Variants in CHAF1A observed in about 807,000 individuals in gnomAD.
CHAF1A encodes the protein chromatin assembly factor 1 subunit A.
In CHAF1A, 5 loss-of-function variants were observed where a neutral mutation model predicts 93.2. The ratio of observed to expected loss-of-function variants is 0.05; its 90% CI spans 0.03 to 0.11. The LOEUF (loss-of-function observed/expected upper bound fraction) is 0.11. CHAF1A is among the 10% of genes least tolerant of loss of function. The pLI is 1.00. For synonymous variants in CHAF1A, 504 were observed against 510.3 expected (o/e 0.99, Z 0.17); for missense variants, 1,102 against 1,259.9 (o/e 0.87, Z 1.90).
chr19:4,434,822 G>A (rs551113928), intron 13 of CHAF1A, among the ~76,000 whole-genome samples: 96 of 152,190 alleles, frequency 6.3e-4, no homozygotes, highest in Middle Eastern at 3.4e-3. Context: ...AACACCGCCC[G>A]GTGTAAGGCA....
intron 11 of CHAF1A, 98 bp from the exon 12 acceptor site, chr19:4,431,854 T>C: frequency 6.7e-7 from 1 of 1,489,172 alleles, no homozygotes; most frequent in Admixed American, 2.2e-5. Context: ...TGTCCTTTCC[T>C]CTTGCTCCCC....
chr19:4,432,934 A>G, intron 12 of CHAF1A, 136 bp from the exon 13 acceptor site: 1 of 681,656 alleles, frequency 1.5e-6, no homozygotes, highest in South Asian at 1.9e-5. Flanking sequence ...ACCCGCCCTC[A>G]TGAGGCCACC....
chr19:4,411,644 C>CTTTTTTTTTTTTTTGTTTTTTT (rs1973802729), intron 3 of CHAF1A, among the ~76,000 whole-genome samples: 1 of 48,204 alleles, frequency 2.1e-5, no homozygotes, highest in Non-Finnish European at 4.1e-5. Flanking sequence ...TGGTGCAAAT[C>CTTTTTTTTTTTTTTGTTTTTTT]TTTTTTTTTT....
intron 8 of CHAF1A, 37 bp downstream of exon 8, chr19:4,428,927 G>C: frequency 2.6e-6 from 4 of 1,556,764 alleles, no homozygotes; most frequent in Non-Finnish European, 3.5e-6. Context: ...ACCCACTAGT[G>C]ATGCTGGAGG....
At chr19:4,443,841 G>C (rs541059821), downstream of CHAF1A, among the ~76,000 whole-genome samples, 1 of 152,276 alleles carries the variant, frequency 6.6e-6, no homozygotes, top group East Asian at 1.9e-4. Flanking sequence ...GGCGACAGCC[G>C]CTGTGGTACT....
Position 4,443,228 on chromosome 19 carries a change from A to C in CHAF1A, c.*203A>C. ...AGAGCCGCATATGAATCTGCCCTTT[A>C]ATAAAGCATTATTGAGATTGCTGGC... is the stretch of plus-strand genomic sequence containing the variant. On this transcript the variant is annotated 3_prime_UTR_variant, in exon 15 of 15. Coordinates refer to ENST00000301280, the MANE Select transcript of CHAF1A (RefSeq NM_005483.3). The C allele has an allele frequency of 1.7e-6, 1 of 581,666 alleles. No homozygotes were observed. The highest frequency in any genetic ancestry group is 1.9e-5 in the South Asian group (1 of 52,206). 36.0% of individuals were successfully genotyped at this position (581,666 alleles called of 1,614,324 possible). A position where few individuals can be genotyped will look rare whatever the true frequency, so the allele number is the denominator to read the frequency against.
chr19:4,422,847 G>A lies in CHAF1A; in HGVS notation c.1247+52G>A, dbSNP rs534723129. 19 of 1,542,540 alleles carry A rather than the reference G, an allele frequency of 1.2e-5. No individual in the cohort carries two copies. The highest frequency in any genetic ancestry group is 2.3e-4 in the Middle Eastern group (1 of 4,352). On this transcript the variant is annotated intron_variant, in intron 5 of 14. Transcript: ENST00000301280. The surrounding 1 kb of genome is among the most constrained non-coding windows in gnomAD (Gnocchi z 4.6). ...GCCCGCCACCCTGCTGCTGGATTCC[G>A]CTCCTGGCCACTCTGATGGGGCCTT...
chr19:4,430,012 G>C, intron 10 of CHAF1A: 1 of 520,300 alleles, frequency 1.9e-6, no homozygotes, highest in African/African-American at 1.9e-5. Context: ...CTGGGGATGG[G>C]ATCCCGTCCG....
At chr19:4,438,230 T>C (rs1974322383) in intron 13 of CHAF1A, among the ~76,000 whole-genome samples, 1 of 152,226 alleles carries the variant, frequency 6.6e-6, no homozygotes, top group South Asian at 2.1e-4. Context: ...GTGTCTGTTG[T>C]TCCCCTCTTT....
intron 3 of CHAF1A, among the ~76,000 whole-genome samples, chr19:4,410,309 G>A (rs932227788): frequency 2.6e-5 from 4 of 151,968 alleles, no homozygotes; most frequent in South Asian, 2.1e-4. Context: ...TTGAGAGGCC[G>A]AGGTGGGAGG....
chr19:4,443,417 C>G (rs1259324253), downstream of CHAF1A: 1 of 206,222 alleles, frequency 4.8e-6, no homozygotes, highest in African/African-American at 2.3e-5. Context: ...TCTGTCTTTT[C>G]CGAAAACATT....
At chr19:4,408,879 G>A (rs761728549) in intron 2 of CHAF1A, 24 bp from the exon 3 acceptor site, 2 of 1,578,064 alleles carry the variant, frequency 1.3e-6, no homozygotes, top group Admixed American at 1.9e-5. Flanking sequence ...GTTCACTAGA[G>A]ATGGCTTTCT....
Position 4,411,644 on chromosome 19 carries a change from C to CTTTT in CHAF1A, c.960+1903_960+1906dup, listed in dbSNP as rs66491258. Among the ~76,000 whole-genome samples, 158 of 48,170 alleles carry CTTTT rather than the reference C, an allele frequency of 3.3e-3. 42 individuals carry two copies. The highest frequency in any genetic ancestry group is 4.6e-3 in the Non-Finnish European group (113 of 24,594). 31.6% of individuals were successfully genotyped at this position (48,170 alleles called of 152,430 possible). On this transcript the variant is annotated intron_variant, in intron 3 of 14. Coordinates refer to ENST00000301280, the MANE Select transcript of CHAF1A (RefSeq NM_005483.3). ...GAAATGTTGTAAAAATGGTGCAAAT[C>CTTTT]TTTTTTTTTTTTTTTTTTTTTGAGA...
At chr19:4,415,983 C>T (rs1455591517) in intron 3 of CHAF1A, among the ~76,000 whole-genome samples, 1 of 152,042 alleles carries the variant, frequency 6.6e-6, no homozygotes, top group Non-Finnish European at 1.5e-5. Context: ...ACCATCCTGG[C>T]TAACATGGTG....
chr19:4,424,644 A>T (rs576056595), intron 7 of CHAF1A, among the ~76,000 whole-genome samples: 1 of 150,962 alleles, frequency 6.6e-6, no homozygotes, highest in Admixed American at 6.6e-5. Context: ...TTTTATTTTT[A>T]TTTTTTTTGA....
chr19:4,402,712 G>C lies in CHAF1A; in HGVS notation c.-51G>C, dbSNP rs1339720338. On this transcript the variant is annotated 5_prime_UTR_variant, in exon 1 of 15. Transcript: ENST00000301280. ...GGGCGAAGAGCAGCGGCCGCCTGAG[G>C]GGAGCCCGCGCCTCCGCCGCCTGAG... 4.3e-6 allele frequency: 5 copies of C among 1,151,596 alleles called. No individual in the cohort carries two copies. The highest frequency in any genetic ancestry group is 4.3e-6 in the Non-Finnish European group (4 of 924,338). The allele number at this position is 1,151,596 out of a possible 1,614,324, so 71.3% of individuals were successfully genotyped here.
In CHAF1A at chr19:4,423,924, T is replaced by A. The variant is rs755791273; in HGVS notation, c.1377+50T>A. 3 of 1,559,378 alleles carry A rather than the reference T, an allele frequency of 1.9e-6. No homozygotes were observed. The African/African-American group carries it at 4.1e-5, about 21-fold the overall frequency. On this transcript the variant is annotated intron_variant, in intron 7 of 14. Coordinates refer to ENST00000301280, the MANE Select transcript of CHAF1A (RefSeq NM_005483.3). ...TTGGGTTTCAGCTCTGCTAGACTTTTCCTTTCTGAAAGTGAAAGGGTCTCT... is the reference window on the plus strand; with the variant it reads ...TTGGGTTTCAGCTCTGCTAGACTTTACCTTTCTGAAAGTGAAAGGGTCTCT...
At position 4,429,578 on chromosome 19, in the gene CHAF1A, G is replaced by A. The variant is rs760207003; in HGVS notation, c.1745G>A (p.Arg582His). The change falls in exon 9 of 15, where the codon CGC (arginine) becomes CAC (histidine). Residue 582 changes from arginine to histidine, a missense_variant. Arg to His is a conservative substitution (Grantham distance 29). This residue lies in a region of CHAF1A where 335 missense variants were observed against 361.9 expected (regional missense o/e 0.93). Coordinates refer to ENST00000301280, the MANE Select transcript of CHAF1A (RefSeq NM_005483.3). ...TGGAATAAGAAGACGGCACTCATCC[G>A]CGCGCGAGACCCCTGGGCCCAGGAC... ...GTWNKKTALI[R>H]ARDPWAQDTK... The A allele has an allele frequency of 2.9e-5, 46 of 1,613,926 alleles. No individual in the cohort carries two copies. The highest frequency in any genetic ancestry group is 8.9e-5 in the East Asian group (4 of 44,888).
intron 3 of CHAF1A, among the ~76,000 whole-genome samples, chr19:4,416,913 A>C (rs1973906051): frequency 6.6e-6 from 1 of 152,204 alleles, no homozygotes; most frequent in African/African-American, 2.4e-5. Context: ...ACATTAAAAT[A>C]AAAAGCAGAG....
Sources: gnomAD v4.1 joint callset for allele counts (sites outside exome capture counted in the v4.1 genomes callset) on GRCh38, gnomAD v4.1.1 for gene constraint, gnomAD v4.1.1 regional missense constraint, Gnocchi (gnomAD v3.1) non-coding constraint, MANE v1.5 for transcripts, NCBI Gene and HGNC (gene_info 2026-07-23, HGNC 2026-07-21) for gene names.